CNBD1: variants seen among roughly 807,000 people sequenced by gnomAD.
CNBD1 encodes cyclic nucleotide-binding domain-containing protein 1.
CNBD1 carries 71 observed loss-of-function variants against 54.4 expected under a neutral mutation model. The observed-to-expected ratio is 1.30, with a 90% confidence interval of 1.08 to 1.59. The LOEUF is 1.59. CNBD1 is among the 40% of genes most tolerant of loss of function. CNBD1 has a pLI of 0.00. For synonymous variants in CNBD1, 182 were observed against 170.7 expected (o/e 1.07, Z -0.51); for missense variants, 659 against 518.0 (o/e 1.27, Z -2.64).
At chr8:87,394,456 T>C (rs925410178) in intron 2 of CNBD1, among the ~76,000 whole-genome samples, 1 of 151,818 alleles carries the variant, frequency 6.6e-6, no homozygotes, top group African/African-American at 2.4e-5. Flanking sequence ...ACCATTTGCA[T>C]TCTCCCCTTA....
chr8:87,013,776 A>G (rs1292603745), intron 4 of CNBD1, among the ~76,000 whole-genome samples: 3 of 151,510 alleles, frequency 2.0e-5, no homozygotes, highest in African/African-American at 7.3e-5. Context: ...TAAATTCTAT[A>G]ATGTTATGTT....
intron 4 of CNBD1, among the ~76,000 whole-genome samples, chr8:87,048,570 G>T (rs1810248976): frequency 1.3e-5 from 2 of 152,012 alleles, no homozygotes; most frequent in Admixed American, 6.6e-5. Context: ...TTAAATGAGG[G>T]GTCCAATGTC....
intron 8 of CNBD1, among the ~76,000 whole-genome samples, chr8:87,334,571 TG>T (rs1809902878): frequency 1.0e-5 from 1 of 98,150 alleles, no homozygotes; most frequent in Non-Finnish European, 2.0e-5. Flanking sequence ...GATTCTGGTA[TG>T]TTTTTCTGTT....
At chr8:87,217,074 T>C (rs1260271962) in intron 5 of CNBD1, among the ~76,000 whole-genome samples, 3 of 152,164 alleles carry the variant, frequency 2.0e-5, no homozygotes, top group Non-Finnish European at 2.9e-5. Flanking sequence ...ATGTTCAATG[T>C]AAATTTTAAT....
At chr8:87,378,097 G>C (rs1244047146) in intron 10 of CNBD1, among the ~76,000 whole-genome samples, 1 of 144,560 alleles carries the variant, frequency 6.9e-6, no homozygotes, top group Non-Finnish European at 1.5e-5. Flanking sequence ...CTCCCATTTT[G>C]TAAGTTGCCT....
At chr8:87,205,314 G>A (rs1813949915) in intron 4 of CNBD1, among the ~76,000 whole-genome samples, 1 of 152,154 alleles carries the variant, frequency 6.6e-6, no homozygotes, top group Non-Finnish European at 1.5e-5. Context: ...TTACAGGCGT[G>A]AGCCACCACG....
chr8:87,088,278 C>T (rs537674864), intron 4 of CNBD1, among the ~76,000 whole-genome samples: 1 of 152,240 alleles, frequency 6.6e-6, no homozygotes, highest in South Asian at 2.1e-4. Context: ...GTTGTTGTAA[C>T]TCAATTGGAC....
chr8:87,417,532 G>T lies in CNBD1; in HGVS notation c.214-11014G>T, dbSNP rs1471863637. Among the ~76,000 whole-genome samples, 6 of 152,016 alleles carry T rather than the reference G, an allele frequency of 3.9e-5. 1 individual carries two copies. The South Asian group carries it at 1.2e-3, about 31-fold the overall frequency. On this transcript the variant is annotated intron_variant, in intron 2 of 7. Coordinates refer to the CNBD1 transcript ENST00000521593. The stretch of plus-strand genomic sequence containing the variant: ...AATGGAAGAAAAGATATCCAGATTG[G>T]AATAGAATTAACATTACCTCTCACG...
At chr8:87,143,128 A>C (rs983826948) in intron 4 of CNBD1, among the ~76,000 whole-genome samples, 1 of 152,158 alleles carries the variant, frequency 6.6e-6, no homozygotes. Flanking sequence ...TCCTAGCTCC[A>C]CTAGAAACAG....
chr8:87,418,348 C>T (rs1807870328), intron 2 of CNBD1, among the ~76,000 whole-genome samples: 1 of 151,694 alleles, frequency 6.6e-6, no homozygotes, highest in South Asian at 2.1e-4. Context: ...CAATCTTATA[C>T]CATGTAAAAA....
chr8:87,118,043 C>T (rs1382022758), intron 4 of CNBD1, among the ~76,000 whole-genome samples: 9 of 151,914 alleles, frequency 5.9e-5, no homozygotes, highest in African/African-American at 2.2e-4. Context: ...TGGCTGGGCA[C>T]GGTGCCTCAC....
intron 7 of CNBD1, 100 bp downstream of exon 7, chr8:87,284,915 T>A (rs1808663691): frequency 2.3e-6 from 2 of 875,566 alleles, no homozygotes; most frequent in Non-Finnish European, 3.3e-6. Context: ...GTTTTATTTT[T>A]AAATTTTAAT....
At position 87,045,896 on chromosome 8, in the gene CNBD1, C is replaced by G. The variant is rs1254620640; in HGVS notation, c.431+106142C>G. On this transcript the variant is annotated intron_variant, in intron 4 of 10. Coordinates refer to ENST00000518476, the MANE Select transcript of CNBD1 (RefSeq NM_173538.3). ...CTCTACTGAAAATACAAAAAATTAG[C>G]CAGCCATGGTGGCGCACGCCTGTAG... 2.0e-5 allele frequency among the ~76,000 whole-genome samples: 3 copies of G among 151,768 alleles called. No individual in the cohort carries two copies. The East Asian group carries it at 5.8e-4, about 29-fold the overall frequency.
At chr8:87,228,485 T>C (rs1204495642) in intron 5 of CNBD1, among the ~76,000 whole-genome samples, 1 of 149,076 alleles carries the variant, frequency 6.7e-6, no homozygotes, top group Non-Finnish European at 1.5e-5. Flanking sequence ...TGCAGGTCTG[T>C]TGGAGTACCC....
At chr8:86,920,477 A>G (rs1809253576) in intron 3 of CNBD1, among the ~76,000 whole-genome samples, 1 of 152,190 alleles carries the variant, frequency 6.6e-6, no homozygotes, top group Non-Finnish European at 1.5e-5. Flanking sequence ...GGCCACCACT[A>G]TACCACCAAC....
intron 4 of CNBD1, among the ~76,000 whole-genome samples, chr8:86,969,474 T>A (rs982631441): frequency 6.6e-6 from 1 of 152,134 alleles, no homozygotes; most frequent in Non-Finnish European, 1.5e-5. Flanking sequence ...TCCCATGTTT[T>A]AATGTTTAGG....
intron 10 of CNBD1, among the ~76,000 whole-genome samples, chr8:87,358,530 A>G (rs78765460): frequency 6.6e-6 from 1 of 152,102 alleles, no homozygotes; most frequent in Non-Finnish European, 1.5e-5. Flanking sequence ...TTTATGTAAA[A>G]CAACATTTCA....
chr8:86,902,487 G>A (rs1011105200), intron 2 of CNBD1, among the ~76,000 whole-genome samples: 15 of 152,048 alleles, frequency 9.9e-5, no homozygotes, highest in Non-Finnish European at 1.5e-5. Flanking sequence ...GCTCTTTTCA[G>A]CTTACCACAG....
chr8:87,021,617 A>G lies in CNBD1; in HGVS notation c.431+81863A>G, dbSNP rs142455976. On this transcript the variant is annotated intron_variant, in intron 4 of 10. Transcript: ENST00000518476. ...CCAAGGCACATTTCACAATACCTGG[A>G]GACACTTTTTCTTGTTTGCACAAAG... Among the ~76,000 whole-genome samples the G allele has an allele frequency of 1.7e-3, 258 of 152,304 alleles. 1 individual carries two copies. The highest frequency in any genetic ancestry group is 2.7e-3 in the Non-Finnish European group (186 of 68,022).
Sources: allele counts gnomAD v4.1 joint callset (sites outside exome capture counted in the v4.1 genomes callset), GRCh38; gene constraint gnomAD v4.1.1; transcripts MANE v1.5; gene names NCBI Gene and HGNC (gene_info 2026-07-23, HGNC 2026-07-21).